The following ATRNL1 variants were observed in gnomAD, a reference collection of about 807,000 sequenced individuals.
The protein encoded by ATRNL1 is attractin like 1.
Under a neutral mutation model 182.7 loss-of-function variants are expected in ATRNL1, and 95 were observed. The observed-to-expected ratio is 0.52, with a 90% confidence interval of 0.44 to 0.62. ATRNL1 has a LOEUF of 0.62. Ranked by LOEUF, ATRNL1 falls within the 20% of genes least tolerant of loss-of-function variation. The pLI is 0.00. For missense variants in ATRNL1, 1,471 were observed against 1,679.5 expected (o/e 0.88, Z 2.17); for synonymous variants, 576 against 568.3 (o/e 1.01, Z -0.19).
At chr10:115,576,277 T>C (rs781976477) in intron 26 of ATRNL1, among the ~76,000 whole-genome samples, 1 of 152,042 alleles carries the variant, frequency 6.6e-6, no homozygotes, top group African/African-American at 2.4e-5. Flanking sequence ...TTCTGAGCCA[T>C]AGGATAATTC....
At chr10:115,094,816 C>G (rs1367992717) in intron 1 of ATRNL1, among the ~76,000 whole-genome samples, 2 of 152,174 alleles carry the variant, frequency 1.3e-5, no homozygotes, top group Admixed American at 6.5e-5. Context: ...AACGAATTTG[C>G]TGTGTTGTAT....
intron 10 of ATRNL1, among the ~76,000 whole-genome samples, chr10:115,253,676 G>A (rs1284006829): frequency 6.6e-6 from 1 of 151,966 alleles, no homozygotes; most frequent in African/African-American, 2.4e-5. Flanking sequence ...GTATACATGT[G>A]CCATGTCGGT....
chr10:115,561,842 A>G (rs528413522), intron 26 of ATRNL1, among the ~76,000 whole-genome samples: 11 of 152,224 alleles, frequency 7.2e-5, no homozygotes, highest in African/African-American at 2.6e-4. Context: ...TAATAATGTT[A>G]TTATTATTCA....
chr10:115,223,952 T>TTTA (rs1849593168), intron 9 of ATRNL1, among the ~76,000 whole-genome samples: 1 of 139,544 alleles, frequency 7.2e-6, no homozygotes, highest in Non-Finnish European at 1.5e-5. Flanking sequence ...TTTTTTTTCT[T>TTTA]TGAGACAGAC....
intron 18 of ATRNL1, among the ~76,000 whole-genome samples, chr10:115,330,323 C>A (rs2134061598): frequency 6.6e-6 from 1 of 152,202 alleles, no homozygotes; most frequent in South Asian, 2.1e-4. Context: ...CCACGATTAC[C>A]ATGTTAGAGT....
intron 15 of ATRNL1, 44 bp downstream of exon 15, chr10:115,286,441 A>G: frequency 8.0e-7 from 1 of 1,246,504 alleles, no homozygotes; most frequent in Non-Finnish European, 1.1e-6. Flanking sequence ...TGCTATGATA[A>G]TTTCATAATT....
chr10:115,268,904 C>G (rs1457730895), intron 13 of ATRNL1, among the ~76,000 whole-genome samples: 1 of 152,108 alleles, frequency 6.6e-6, no homozygotes, highest in African/African-American at 2.4e-5. Flanking sequence ...TTTTAACTGT[C>G]TATACATTAG....
intron 27 of ATRNL1, among the ~76,000 whole-genome samples, chr10:115,757,877 C>G (rs2960728): frequency 0.95 from 143,803 of 151,396 alleles, 68,715 homozygotes; most frequent in East Asian, 1. Context: ...TCTTTTTTCT[C>G]TAATCTTGTC....
chr10:115,919,824 T>C (rs1565487868), intron 28 of ATRNL1, among the ~76,000 whole-genome samples: 2 of 152,098 alleles, frequency 1.3e-5, no homozygotes, highest in Non-Finnish European at 2.9e-5. Flanking sequence ...ATGGATACTG[T>C]CTTCTCACTG....
At chr10:115,737,361 G>A (rs1033094512) in intron 27 of ATRNL1, among the ~76,000 whole-genome samples, 17 of 151,358 alleles carry the variant, frequency 1.1e-4, no homozygotes, top group African/African-American at 3.9e-4. Context: ...GCATGAGCCC[G>A]GGAGTTCGAG....
intron 26 of ATRNL1, among the ~76,000 whole-genome samples, chr10:115,569,492 C>G (rs880003361): frequency 2.0e-5 from 3 of 152,096 alleles, no homozygotes; most frequent in Non-Finnish European, 4.4e-5. Flanking sequence ...AGTGTTTTGT[C>G]AAACTTTGGA....
intron 9 of ATRNL1, among the ~76,000 whole-genome samples, chr10:115,233,453 T>C (rs1297765648): frequency 2.6e-5 from 4 of 152,194 alleles, no homozygotes; most frequent in Non-Finnish European, 4.4e-5. Context: ...AAATAATAGT[T>C]GATCAGATTA....
intron 5 of ATRNL1, among the ~76,000 whole-genome samples, chr10:115,151,952 A>G (rs1554880756): frequency 6.6e-6 from 1 of 152,136 alleles, no homozygotes; most frequent in Non-Finnish European, 1.5e-5. Context: ...TTTTCCCAGA[A>G]CCATTTATTA....
intron 4 of ATRNL1, among the ~76,000 whole-genome samples, chr10:115,128,785 C>T (rs920734688): frequency 1.3e-5 from 2 of 149,702 alleles, no homozygotes; most frequent in Non-Finnish European, 3.0e-5. Context: ...CGAGATCGCA[C>T]CACTGCATTC....
chr10:115,593,424 C>T (rs1388509139), intron 26 of ATRNL1, among the ~76,000 whole-genome samples: 1 of 152,088 alleles, frequency 6.6e-6, no homozygotes, highest in Non-Finnish European at 1.5e-5. Flanking sequence ...AATAAAGATC[C>T]CAGAAGTAAA....
intron 13 of ATRNL1, among the ~76,000 whole-genome samples, chr10:115,271,751 G>C (rs973923945): frequency 2.0e-5 from 3 of 152,100 alleles, no homozygotes; most frequent in Admixed American, 6.5e-5. Context: ...CTTTATTCTT[G>C]AAGGGTCATT....
At chr10:115,153,325 C>T (rs973396094) in intron 5 of ATRNL1, among the ~76,000 whole-genome samples, 3 of 152,076 alleles carry the variant, frequency 2.0e-5, no homozygotes, top group Non-Finnish European at 2.9e-5. Context: ...TGGTAGAATT[C>T]GGCTGTGAAT....
At chr10:115,477,134 T>C (rs923067767) in intron 24 of ATRNL1, among the ~76,000 whole-genome samples, 3 of 151,570 alleles carry the variant, frequency 2.0e-5, no homozygotes, top group Non-Finnish European at 4.4e-5. Flanking sequence ...TTCTCCCTTA[T>C]ATTTACAAAA....
chr10:115,930,235 C>T (rs1953353066), intron 28 of ATRNL1, among the ~76,000 whole-genome samples: 1 of 152,156 alleles, frequency 6.6e-6, no homozygotes, highest in Admixed American at 6.5e-5. Flanking sequence ...TTTTTAACCA[C>T]AGTCATTCTA....
Sources: allele counts gnomAD v4.1 joint callset (sites outside exome capture counted in the v4.1 genomes callset), GRCh38; gene constraint gnomAD v4.1.1; transcripts MANE v1.5; gene names NCBI Gene and HGNC (gene_info 2026-07-23, HGNC 2026-07-21).